SLC35D4: variants seen among roughly 807,000 people sequenced by gnomAD.
SLC35D4 encodes the protein solute carrier family 35 member D4, also known as UDP-N-acetylglucosamine transporter SLC35D4.
At chr18:23,251,354 G>C in the SLC35D4 span, among the ~76,000 whole-genome samples, 1 of 152,200 alleles carries the variant, frequency 6.6e-6, no homozygotes, top group Non-Finnish European at 1.5e-5. Flanking sequence ...GGAAGGCTGA[G>C]GCAGGAGAAT....
At chr18:23,253,166 G>C in the SLC35D4 span, 1 of 697,910 alleles carries the variant, frequency 1.4e-6, no homozygotes, top group Admixed American at 2.1e-5. Context: ...TGTGGTTCCA[G>C]TGATTGAGTC....
At chr18:23,377,421 A>C in the SLC35D4 span, among the ~76,000 whole-genome samples, 1 of 152,248 alleles carries the variant, frequency 6.6e-6, no homozygotes, top group Non-Finnish European at 1.5e-5. Flanking sequence ...ACTGAAATCT[A>C]GCACAGGTTG....
At chr18:23,357,556 C>G in the SLC35D4 span, among the ~76,000 whole-genome samples, 1 of 152,240 alleles carries the variant, frequency 6.6e-6, no homozygotes, top group Non-Finnish European at 1.5e-5. Flanking sequence ...CTTGGCCTGT[C>G]TCTCAGTTCT....
chr18:23,356,498 A>T, the SLC35D4 span: 2 of 1,275,948 alleles, frequency 1.6e-6, no homozygotes, highest in Non-Finnish European at 1.1e-6. The surrounding 1 kb of genome is among the most constrained non-coding windows in gnomAD (Gnocchi z 4.1). Flanking sequence ...CTCTCCTGCC[A>T]CTCACTCAGG....
chr18:23,356,810 G>A, the SLC35D4 span: 1 of 649,020 alleles, frequency 1.5e-6, no homozygotes, highest in Non-Finnish European at 2.7e-6. This position sits in a 1 kb window ranked among gnomAD's most constrained non-coding sequence, Gnocchi z 4.1. Flanking sequence ...CATTCCCAGG[G>A]ATTCTGTTAC....
At chr18:23,397,705 C>T in the SLC35D4 span, among the ~76,000 whole-genome samples, 1 of 152,180 alleles carries the variant, frequency 6.6e-6, no homozygotes, top group Non-Finnish European at 1.5e-5. Flanking sequence ...CTCTAAAATC[C>T]ATACGCATTG....
At chr18:23,286,493 C>G in the SLC35D4 span, among the ~76,000 whole-genome samples, 65 of 152,262 alleles carry the variant, frequency 4.3e-4, no homozygotes, top group East Asian at 7.7e-4. Context: ...CTGACTGACT[C>G]CTTCCCAGAT....
the SLC35D4 span, among the ~76,000 whole-genome samples, chr18:23,279,112 G>T: frequency 6.6e-6 from 1 of 152,096 alleles, no homozygotes; most frequent in African/African-American, 2.4e-5. Context: ...AGAGATTCAG[G>T]CTCCTTCAGC....
the SLC35D4 span, among the ~76,000 whole-genome samples, chr18:23,282,453 G>A: frequency 1.3e-5 from 2 of 152,220 alleles, no homozygotes; most frequent in African/African-American, 2.4e-5. Context: ...TGGGGAGCAC[G>A]GAATGTCTGC....
chr18:23,350,342 C>T, the SLC35D4 span, among the ~76,000 whole-genome samples: 26 of 152,286 alleles, frequency 1.7e-4, no homozygotes, highest in African/African-American at 6.0e-4. Flanking sequence ...AGAAATTTTG[C>T]TCCAACACCT....
the SLC35D4 span, among the ~76,000 whole-genome samples, chr18:23,344,600 C>CTTTTTTTTTTT: frequency 7.9e-6 from 1 of 126,074 alleles, no homozygotes. Context: ...TTTTTTTCTT[C>CTTTTTTTTTTT]TTTTTTTTTT....
At chr18:23,415,409 T>C in the SLC35D4 span, among the ~76,000 whole-genome samples, 1 of 152,180 alleles carries the variant, frequency 6.6e-6, no homozygotes, top group Admixed American at 6.5e-5. Flanking sequence ...AGACGAAAAG[T>C]GGCAAGTAGG....
chr18:23,256,135 G>GCAGTCAACATCT, the SLC35D4 span, among the ~76,000 whole-genome samples: 30 of 152,244 alleles, frequency 2.0e-4, no homozygotes, highest in Admixed American at 6.5e-4. Context: ...TGATCTGAAA[G>GCAGTCAACATCT]CAGTCAACAT....
the SLC35D4 span, among the ~76,000 whole-genome samples, chr18:23,248,536 TTTAA>T: frequency 2.9e-4 from 28 of 97,328 alleles, no homozygotes; most frequent in East Asian, 4.1e-3. Flanking sequence ...TTTTTTTTTT[TTTAA>T]AAAAAGGCTG....
chr18:23,308,073 A>G, the SLC35D4 span, among the ~76,000 whole-genome samples: 26 of 152,214 alleles, frequency 1.7e-4, no homozygotes, highest in Non-Finnish European at 2.4e-4. Context: ...AACAGTCAGA[A>G]CTGTCAGGGA....
At chr18:23,362,509 G>A in the SLC35D4 span, among the ~76,000 whole-genome samples, 6 of 152,280 alleles carry the variant, frequency 3.9e-5, no homozygotes, top group Non-Finnish European at 5.9e-5. Flanking sequence ...TGAGGCAGGA[G>A]AATCACTTGA....
the SLC35D4 span, among the ~76,000 whole-genome samples, chr18:23,310,052 T>C: frequency 6.6e-6 from 1 of 152,182 alleles, no homozygotes; most frequent in Admixed American, 6.5e-5. Flanking sequence ...CGCCCTCATC[T>C]CTCTCCAGGG....
chr18:23,306,402 G>A, the SLC35D4 span, among the ~76,000 whole-genome samples: 1 of 152,034 alleles, frequency 6.6e-6, no homozygotes, highest in Non-Finnish European at 1.5e-5. Context: ...CACCTCCCGG[G>A]TTCAAGCGAT....
At chr18:23,346,460 A>T in the SLC35D4 span, among the ~76,000 whole-genome samples, 1 of 151,200 alleles carries the variant, frequency 6.6e-6, no homozygotes, top group Non-Finnish European at 1.5e-5. Context: ...TTCTATATAT[A>T]TGATGGTCTC....
Sources: allele counts gnomAD v4.1 joint callset (sites outside exome capture counted in the v4.1 genomes callset), GRCh38; gene constraint gnomAD v4.1.1; non-coding constraint Gnocchi (gnomAD v3.1); transcripts MANE v1.5; gene names NCBI Gene and HGNC (gene_info 2026-07-23, HGNC 2026-07-21).